Variants in INSL6 observed in about 807,000 individuals in gnomAD.
INSL6 encodes the protein insulin like 6, also known as insulin-like peptide INSL6.
Under a neutral mutation model 9.4 loss-of-function variants are expected in INSL6, and 16 were observed. The observed-to-expected ratio is 1.70, with a 90% confidence interval of 1.15 to 2.59. The LOEUF (loss-of-function observed/expected upper bound fraction) is 2.59. Among genes scored for constraint, INSL6 ranks in the 30% most tolerant of loss-of-function variants. INSL6 has a pLI of 0.00. For missense variants in INSL6, 391 were observed against 257.3 expected, an observed-to-expected ratio of 1.52 and a Z score of -3.56; for synonymous variants, 154 against 96.9, an observed-to-expected ratio of 1.59 and a Z score of -3.46.
chr9:5,015,241 A>G, the INSL6 span, among the ~76,000 whole-genome samples: 13,582 of 152,200 alleles, frequency 0.089, 1,776 homozygotes, highest in African/African-American at 0.29. Context: ...ATATTCTTGT[A>G]ATGTGTCTCT....
the INSL6 span, among the ~76,000 whole-genome samples, chr9:5,010,269 T>A: frequency 1.3e-5 from 2 of 152,202 alleles, no homozygotes; most frequent in African/African-American, 4.8e-5. Flanking sequence ...TTTACTTTTA[T>A]ATCTATTTTA....
At chr9:5,084,077 T>A in the INSL6 span, among the ~76,000 whole-genome samples, 1 of 152,278 alleles carries the variant, frequency 6.6e-6, no homozygotes, top group East Asian at 1.9e-4. Context: ...ATTTTTAGTG[T>A]TTTCCATAGT....
the INSL6 span, among the ~76,000 whole-genome samples, chr9:5,080,892 C>CTTTTTTT: frequency 1.2e-4 from 11 of 95,614 alleles, no homozygotes; most frequent in East Asian, 5.4e-4. Flanking sequence ...AAGACCTTTT[C>CTTTTTTT]TTTTTTTTTT....
At chr9:5,049,238 C>T in the INSL6 span, among the ~76,000 whole-genome samples, 2 of 152,208 alleles carry the variant, frequency 1.3e-5, no homozygotes, top group South Asian at 2.1e-4. Flanking sequence ...ACTACTCTGC[C>T]AATGGAAGAG....
chr9:5,069,449 A>T, the INSL6 span, among the ~76,000 whole-genome samples: 3 of 152,156 alleles, frequency 2.0e-5, no homozygotes, highest in Admixed American at 2.0e-4. Context: ...GTGTGGTATG[A>T]TGTCATTTAT....
the INSL6 span, among the ~76,000 whole-genome samples, chr9:5,093,331 G>T: frequency 6.6e-6 from 1 of 152,108 alleles, no homozygotes; most frequent in Non-Finnish European, 1.5e-5. Flanking sequence ...GGCACTGCCT[G>T]CCCAGTGACA....
the INSL6 span, among the ~76,000 whole-genome samples, chr9:5,087,623 T>TATCA: frequency 1.3e-5 from 2 of 152,244 alleles, no homozygotes; most frequent in African/African-American, 2.4e-5. Flanking sequence ...GATTTTTGCC[T>TATCA]ATCAAAGTGA....
the INSL6 span, among the ~76,000 whole-genome samples, chr9:5,115,039 C>A: frequency 6.6e-6 from 1 of 152,144 alleles, no homozygotes; most frequent in African/African-American, 2.4e-5. Context: ...ACACCAAAAG[C>A]AATGGCAACA....
In INSL6 at chr9:5,167,589, G is replaced by A. The variant is rs924774588; in HGVS notation, c.290-3324C>T. The stretch of plus-strand genomic sequence containing the variant: ...TGTGGGAATTTTCACATCCCCAGTG[G>A]AGGGTTTATGGATAGAACTCTGATA... On this transcript the variant is annotated intron_variant, in intron 1 of 1. Coordinates refer to ENST00000381641, the MANE Select transcript of INSL6 (RefSeq NM_007179.3). Among the ~76,000 whole-genome samples, 51 of 152,194 alleles carry A rather than the reference G, an allele frequency of 3.4e-4. 1 individual carries two copies. The highest frequency in any genetic ancestry group is 2.1e-4 in the Non-Finnish European group (14 of 68,034).
At chr9:5,029,954 G>C in the INSL6 span, 14 of 1,496,218 alleles carry the variant, frequency 9.4e-6, no homozygotes, top group Non-Finnish European at 1.3e-5. Context: ...AGGCAAAATG[G>C]GAGAAATTAT....
At chr9:5,090,692 TG>T in the INSL6 span, 3 of 1,546,098 alleles carry the variant, frequency 1.9e-6, no homozygotes, top group Non-Finnish European at 1.7e-6. Flanking sequence ...CCATTTAAAT[TG>T]TTTATATTTA....
chr9:5,171,570 T>C (rs1337263074), intron 1 of INSL6, among the ~76,000 whole-genome samples: 3 of 152,146 alleles, frequency 2.0e-5, no homozygotes, highest in East Asian at 1.9e-4. Flanking sequence ...CATGCAAACA[T>C]AGACACCCCA....
At chr9:5,153,456 T>A (rs932087237) in intron 2 of INSL6, among the ~76,000 whole-genome samples, 1 of 152,078 alleles carries the variant, frequency 6.6e-6, no homozygotes, top group Non-Finnish European at 1.5e-5. Flanking sequence ...CCACGCCAGC[T>A]CAGCAAGGCC....
chr9:5,180,833 G>T (rs926835707), intron 1 of INSL6, among the ~76,000 whole-genome samples: 1 of 152,226 alleles, frequency 6.6e-6, no homozygotes, highest in African/African-American at 2.4e-5. Context: ...CATTTGTCCT[G>T]TTCCCTCAGA....
At chr9:5,107,161 T>G in the INSL6 span, among the ~76,000 whole-genome samples, 6 of 152,140 alleles carry the variant, frequency 3.9e-5, no homozygotes, top group African/African-American at 1.4e-4. Flanking sequence ...ATCCTACTCT[T>G]TTAGTATAAA....
chr9:5,124,387 A>G (rs1823841241), exon 4 of INSL6, among the ~76,000 whole-genome samples: 1 of 151,600 alleles, frequency 6.6e-6, no homozygotes, highest in East Asian at 1.9e-4. Context: ...ATTTTTCTAT[A>G]TGGTGATAAA....
chr9:5,019,790 T>A, the INSL6 span, among the ~76,000 whole-genome samples: 1 of 152,166 alleles, frequency 6.6e-6, no homozygotes, highest in African/African-American at 2.4e-5. Context: ...CTGTAAGATT[T>A]TTTTTCCTTT....
the INSL6 span, among the ~76,000 whole-genome samples, chr9:5,089,480 G>C: frequency 7.2e-6 from 1 of 138,614 alleles, no homozygotes; most frequent in African/African-American, 2.7e-5. Context: ...GGAGCTTGCA[G>C]TGAGCCGAGA....
chr9:5,082,044 G>T, the INSL6 span, among the ~76,000 whole-genome samples: 35 of 152,312 alleles, frequency 2.3e-4, no homozygotes, highest in Admixed American at 7.2e-4. Flanking sequence ...AATGAAGGGG[G>T]CCAGCCCCTC....
Sources: allele counts gnomAD v4.1 joint callset (sites outside exome capture counted in the v4.1 genomes callset), GRCh38; gene constraint gnomAD v4.1.1; transcripts MANE v1.5; gene names NCBI Gene and HGNC (gene_info 2026-07-23, HGNC 2026-07-21).